ZNF585A: variants seen among roughly 807,000 people sequenced by gnomAD.
The protein encoded by ZNF585A is zinc finger protein 585A.
In ZNF585A, 9 loss-of-function variants were observed where a neutral mutation model predicts 14.9. The observed-to-expected ratio is 0.60, with a 90% confidence interval of 0.36 to 1.05. The LOEUF (loss-of-function observed/expected upper bound fraction) is 1.05. Among genes scored for constraint, ZNF585A ranks in the 50% least tolerant of loss-of-function variants. The probability of loss-of-function intolerance (pLI) is 0.01; values close to 1 mark genes in which losing one functional copy is unlikely to be tolerated. For synonymous variants in ZNF585A, 276 were observed against 319.9 expected (o/e 0.86, Z 1.46); for missense variants, 726 against 926.4 (o/e 0.78, Z 2.81).
At chr19:37,164,195 G>A (rs371851910) in intron 2 of ZNF585A, among the ~76,000 whole-genome samples, 1 of 152,084 alleles carries the variant, frequency 6.6e-6, no homozygotes, top group African/African-American at 2.4e-5. Flanking sequence ...GAAGCGGGTG[G>A]ATCACGAGGT....
Position 37,149,644 on chromosome 19 carries a change from C to T in ZNF585A, c.*1945G>A, listed in dbSNP as rs1196442644. On this transcript the variant is annotated 3_prime_UTR_variant, in exon 5 of 5. Transcript: ENST00000292841. The stretch of plus-strand genomic sequence containing the variant: ...GAGGTTTCTGGGCAGGCTGAGGGTC[C>T]CTAAGTGGATCAGTGTTGGCACCAG... 6.6e-6 allele frequency: 1 copy of T among 152,110 alleles called. No individual in the cohort carries two copies. The highest frequency in any genetic ancestry group is 2.4e-5 in the African/African-American group (1 of 41,408). 9.4% of individuals were successfully genotyped at this position (152,110 alleles called of 1,614,324 possible). A position where few individuals can be genotyped will look rare whatever the true frequency, so the allele number is the denominator to read the frequency against.
Position 37,152,976 on chromosome 19 carries a change from A to C in ZNF585A, c.923T>G (p.Ile308Ser), listed in dbSNP as rs2145397668. ...ATGTACCTGAAGTTGTGACTTGGAAATGAAGGATTTGCCACAGTTACTGCA... is the reference window on the plus strand; with the variant it reads ...ATGTACCTGAAGTTGTGACTTGGAACTGAAGGATTTGCCACAGTTACTGCA... ...YECSNCGKSFISKSQLQVHQR... is the reference protein window; with the variant it reads ...YECSNCGKSFSSKSQLQVHQR... The change falls in exon 5 of 5, where the codon ATT becomes AGT. Residue 308 changes from isoleucine to serine, a missense_variant. Ile to Ser is a moderately radical substitution (Grantham distance 142). Coordinates refer to ENST00000292841, the MANE Select transcript of ZNF585A (RefSeq NM_001288800.2). 6.2e-7 allele frequency: 1 copy of C among 1,614,226 alleles called. No individual in the cohort carries two copies. Among genetic ancestry groups the C allele is most frequent in the South Asian group, 1.1e-5 (1 of 91,088 alleles).
At chr19:37,157,832 A>AT (rs372837617) in intron 2 of ZNF585A, among the ~76,000 whole-genome samples, 1 of 147,566 alleles carries the variant, frequency 6.8e-6, no homozygotes, top group African/African-American at 2.5e-5. Flanking sequence ...TTATATGTAA[A>AT]TTTTTTTTAA....
intron 1 of ZNF585A, among the ~76,000 whole-genome samples, chr19:37,171,918 GCA>G (rs1972189033): frequency 6.6e-6 from 1 of 151,132 alleles, no homozygotes; most frequent in Non-Finnish European, 1.5e-5. Flanking sequence ...AAAAAAAAGT[GCA>G]CATAGTTATT....
At chr19:37,160,073 C>T (rs1048706312) in intron 2 of ZNF585A, among the ~76,000 whole-genome samples, 1 of 152,116 alleles carries the variant, frequency 6.6e-6, no homozygotes, top group Non-Finnish European at 1.5e-5. Flanking sequence ...TGGCTCACTC[C>T]TATAATCCCA....
chr19:37,167,589 T>TTTTATTTTATTTTATTTTA (rs1972113757), intron 2 of ZNF585A, among the ~76,000 whole-genome samples: 4 of 144,154 alleles, frequency 2.8e-5, no homozygotes, highest in African/African-American at 1.1e-4. Flanking sequence ...TTACTTTTTA[T>TTTTATTTTATTTTATTTTA]TTTTATTTTA....
intron 4 of ZNF585A, among the ~76,000 whole-genome samples, chr19:37,154,997 C>CTTTT (rs756330115): frequency 2.6e-5 from 3 of 113,652 alleles, no homozygotes; most frequent in Non-Finnish European, 3.6e-5. Flanking sequence ...AAAGAAAGAT[C>CTTTT]TTTTTTTTTT....
rs375276322 is a variant in ZNF585A, at chr19:37,153,333, T to C, written c.566A>G (p.Asn189Ser). The change falls in exon 5 of 5, where the codon AAT (asparagine) becomes AGT (serine). Residue 189 changes from asparagine to serine, a missense_variant. Asn to Ser is a conservative substitution (Grantham distance 46). Transcript: ENST00000292841. ...THMREKPFKC[N>S]ECGKSFFQVS... The stretch of plus-strand genomic sequence containing the variant: ...TTGAAAAAAGGATTTTCCACATTCA[T>C]TGCATTTAAAGGGTTTCTCTCTCAT... The C allele has an allele frequency of 6.2e-6, 10 of 1,614,216 alleles. No homozygotes were observed. In the East Asian group the frequency reaches 2.0e-4, roughly 32 times the overall value.
chr19:37,155,154 C>T (rs906550335), intron 4 of ZNF585A, among the ~76,000 whole-genome samples: 4 of 151,860 alleles, frequency 2.6e-5, no homozygotes, highest in East Asian at 2.0e-4. Flanking sequence ...GCATCCACCA[C>T]GGCGCCCGGC....
At chr19:37,158,170 G>A (rs1273088362) in intron 2 of ZNF585A, among the ~76,000 whole-genome samples, 1 of 152,172 alleles carries the variant, frequency 6.6e-6, no homozygotes, top group Non-Finnish European at 1.5e-5. Flanking sequence ...ACTGGCATGA[G>A]CTACTTTACC....
At chr19:37,165,535 G>A in intron 2 of ZNF585A, 1 of 564,876 alleles carries the variant, frequency 1.8e-6, no homozygotes, top group Non-Finnish European at 2.2e-6. Flanking sequence ...TTTGACTTTG[G>A]CTTTGGAGTG....
intron 2 of ZNF585A, among the ~76,000 whole-genome samples, 187 bp downstream of exon 2, chr19:37,169,652 G>A (rs942571975): frequency 6.6e-6 from 1 of 152,074 alleles, no homozygotes; most frequent in South Asian, 2.1e-4. Context: ...CTCCAGAGAC[G>A]AAGACATTAC....
intron 2 of ZNF585A, 107 bp from the exon 3 acceptor site, chr19:37,156,462 C>T (rs961165240): frequency 1.4e-6 from 2 of 1,390,548 alleles, no homozygotes; most frequent in African/African-American, 1.4e-5. Context: ...TTTACATTCT[C>T]TTTTTAAAAA....
chr19:37,157,624 G>A (rs1971951295), intron 2 of ZNF585A, among the ~76,000 whole-genome samples: 1 of 152,150 alleles, frequency 6.6e-6, no homozygotes, highest in African/African-American at 2.4e-5. Flanking sequence ...AATATGGGGT[G>A]AGGGGGACAA....
rs1437291240 is a variant in ZNF585A at position 37,145,971 on chromosome 19, A to C, written c.*5618T>G. The C allele has an allele frequency of 1.4e-5, 2 of 145,542 alleles. No individual in the cohort carries two copies. Among genetic ancestry groups the C allele is most frequent in the Non-Finnish European group, 2.9e-5 (2 of 68,018 alleles). 9.0% of individuals were successfully genotyped at this position (145,542 alleles called of 1,614,324 possible). A position where few individuals can be genotyped will look rare whatever the true frequency, so the allele number is the denominator to read the frequency against. Reference sequence around the variant, plus strand: ...TATATTTAAAACCATTAATAGAAACAATATAATTATAGAATTAAGTAAAAC... The same window carrying C: ...TATATTTAAAACCATTAATAGAAACCATATAATTATAGAATTAAGTAAAAC... On this transcript the variant is annotated 3_prime_UTR_variant, in exon 5 of 5. Coordinates refer to ENST00000292841, the MANE Select transcript of ZNF585A (RefSeq NM_001288800.2).
intron 2 of ZNF585A, among the ~76,000 whole-genome samples, chr19:37,166,592 G>A (rs907177905): frequency 2.6e-5 from 4 of 151,442 alleles, no homozygotes; most frequent in Non-Finnish European, 5.9e-5. Flanking sequence ...GATTACAGGT[G>A]TGAGTCACCA....
chr19:37,151,369 G>C lies in ZNF585A; in HGVS notation c.*220C>G. ...ACCAAATTGACTCGGTTCCTTGTCA[G>C]TATGAATAATGACCCAAGGTTTACT... On this transcript the variant is annotated 3_prime_UTR_variant, in exon 5 of 5. Coordinates refer to ENST00000292841, the MANE Select transcript of ZNF585A (RefSeq NM_001288800.2). 1 of 497,674 alleles carries C rather than the reference G, an allele frequency of 2.0e-6. No homozygotes were observed. The highest frequency in any genetic ancestry group is 3.5e-6 in the Non-Finnish European group (1 of 282,504). The allele number at this position is 497,674 out of a possible 1,614,324, so 30.8% of individuals were successfully genotyped here. A position where few individuals can be genotyped will look rare whatever the true frequency, so the allele number is the denominator to read the frequency against.
chr19:37,156,926 AGG>A (rs1971940889), intron 2 of ZNF585A, among the ~76,000 whole-genome samples: 5 of 152,182 alleles, frequency 3.3e-5, no homozygotes, highest in Admixed American at 3.3e-4. Flanking sequence ...TGCTGACCTC[AGG>A]TGATCCACCC....
intron 4 of ZNF585A, 76 bp downstream of exon 4, chr19:37,155,789 G>A (rs1971918135): frequency 6.7e-7 from 1 of 1,494,074 alleles, no homozygotes; most frequent in Non-Finnish European, 9.3e-7. Context: ...AGTATTCCAA[G>A]GGTGTTGGTG....
Sources: allele counts gnomAD v4.1 joint callset (sites outside exome capture counted in the v4.1 genomes callset), GRCh38; gene constraint gnomAD v4.1.1; transcripts MANE v1.5; gene names NCBI Gene and HGNC (gene_info 2026-07-23, HGNC 2026-07-21).